RAVER2: variants seen among roughly 807,000 people sequenced by gnomAD.
RAVER2 encodes ribonucleoprotein PTB-binding 2.
A neutral mutation model predicts 78.1 loss-of-function variants in RAVER2; 46 were observed. That is an observed-to-expected ratio of 0.59 (90% confidence interval 0.46 to 0.75). RAVER2 has a LOEUF of 0.75. RAVER2 is among the 30% of genes least tolerant of loss of function. RAVER2 has a pLI of 0.00. For synonymous variants in RAVER2, 311 were observed against 313.3 expected (o/e 0.99, Z 0.08); for missense variants, 793 against 837.5 (o/e 0.95, Z 0.66).
intron 1 of RAVER2, among the ~76,000 whole-genome samples, chr1:64,748,282 A>T (rs1651597775): frequency 6.6e-6 from 1 of 152,182 alleles, no homozygotes; most frequent in Admixed American, 6.5e-5. Context: ...TCACAGCCTC[A>T]GCTCTGGTTC....
chr1:64,763,201 G>A (rs569934006), intron 1 of RAVER2, among the ~76,000 whole-genome samples: 1 of 152,216 alleles, frequency 6.6e-6, no homozygotes, highest in African/African-American at 2.4e-5. Context: ...GGAGGCTGAG[G>A]CAGGAGAATG....
chr1:64,767,999 A>G (rs1029318968), intron 1 of RAVER2, among the ~76,000 whole-genome samples: 7 of 152,050 alleles, frequency 4.6e-5, no homozygotes, highest in African/African-American at 1.7e-4. Flanking sequence ...CCAAGGGGAA[A>G]TAAATGGAAC....
chr1:64,748,455 A>C (rs1651603934), intron 1 of RAVER2, among the ~76,000 whole-genome samples: 1 of 152,232 alleles, frequency 6.6e-6, no homozygotes, highest in Non-Finnish European at 1.5e-5. Context: ...CTCATAAAAA[A>C]CCAGCCTTTG....
intron 5 of RAVER2, among the ~76,000 whole-genome samples, chr1:64,801,850 A>G (rs1339904206): frequency 6.6e-6 from 1 of 152,234 alleles, no homozygotes; most frequent in Non-Finnish European, 1.5e-5. Context: ...CCTGGGCAAT[A>G]GAGTGTGACT....
rs770009968 is a variant in RAVER2 at position 64,789,475 on chromosome 1, C to T, written c.1066C>T (p.Leu356Phe). 2.6e-5 allele frequency: 42 copies of T among 1,609,422 alleles called. 1 individual carries two copies. The South Asian group carries it at 3.9e-4, about 15-fold the overall frequency. ...AAACAACCCTGCCATGTTGCAAGTT[C>T]TTCTACAGCCCCAGTTATGTGGACG... The change falls in exon 5 of 12, where the codon CTT (leucine) becomes TTT (phenylalanine). Residue 356 changes from leucine to phenylalanine, a missense_variant. Transcript: ENST00000294428.
intron 8 of RAVER2, among the ~76,000 whole-genome samples, chr1:64,805,424 A>G (rs1653390373): frequency 6.6e-6 from 1 of 152,230 alleles, no homozygotes; most frequent in South Asian, 2.1e-4. Flanking sequence ...ATATGGATCC[A>G]TGTAATTATT....
intron 5 of RAVER2, among the ~76,000 whole-genome samples, chr1:64,794,703 C>T (rs1256677206): frequency 6.6e-6 from 1 of 151,984 alleles, no homozygotes; most frequent in Non-Finnish European, 1.5e-5. Context: ...AGTTGTTTGT[C>T]TTCTTATCAA....
chr1:64,778,139 A>C, intron 3 of RAVER2, 47 bp downstream of exon 3: 2 of 1,330,556 alleles, frequency 1.5e-6, no homozygotes, highest in Non-Finnish European at 2.1e-6. Context: ...ATATATACAT[A>C]TGTATCTAAT....
intron 5 of RAVER2, among the ~76,000 whole-genome samples, chr1:64,798,482 C>T (rs951765872): frequency 1.3e-5 from 2 of 151,288 alleles, no homozygotes; most frequent in Admixed American, 6.6e-5. Flanking sequence ...AGTTCTAGAT[C>T]CCTGAGGAAT....
intron 5 of RAVER2, among the ~76,000 whole-genome samples, chr1:64,795,506 C>T (rs1487344808): frequency 6.6e-6 from 1 of 151,996 alleles, no homozygotes; most frequent in East Asian, 1.9e-4. Flanking sequence ...TTTATTTTTT[C>T]AGATACAAAT....
In RAVER2 at chr1:64,778,758, C is replaced by A. The variant is rs144401625; in HGVS notation, c.786+666C>A. 6.5e-3 allele frequency among the ~76,000 whole-genome samples: 965 copies of A among 148,848 alleles called. 11 individuals carry two copies. The highest frequency in any genetic ancestry group is 0.023 in the African/African-American group (929 of 40,882). ...TTACAGAGTTTTGATAGCAACTGAT[C>A]AATTATTTCTCTCTTGTTTCTCTCC... On this transcript the variant is annotated intron_variant, in intron 3 of 11. Transcript: ENST00000294428.
chr1:64,763,933 C>CACAT (rs1652098777), intron 1 of RAVER2, among the ~76,000 whole-genome samples: 1 of 149,906 alleles, frequency 6.7e-6, no homozygotes. Flanking sequence ...CACACACACA[C>CACAT]ACACACACAC....
chr1:64,796,143 A>G (rs780652370), intron 5 of RAVER2, among the ~76,000 whole-genome samples: 8 of 151,592 alleles, frequency 5.3e-5, no homozygotes, highest in Non-Finnish European at 7.4e-5. Context: ...TCACTTAGTC[A>G]TGTTATATTA....
intron 9 of RAVER2, among the ~76,000 whole-genome samples, chr1:64,812,476 A>C (rs1240266660): frequency 3.3e-5 from 5 of 152,026 alleles, no homozygotes; most frequent in Admixed American, 6.6e-5. Context: ...TGTGAAGATG[A>C]ATTCTTTCCT....
chr1:64,792,456 G>C (rs12119466), intron 5 of RAVER2, among the ~76,000 whole-genome samples: 10,923 of 152,168 alleles, frequency 0.072, 522 homozygotes, highest in Non-Finnish European at 0.098. Flanking sequence ...AGTATCATCT[G>C]CCTCTTTGGA....
chr1:64,788,898 A>G (rs1652860569), intron 4 of RAVER2, among the ~76,000 whole-genome samples: 3 of 152,282 alleles, frequency 2.0e-5, no homozygotes, highest in Admixed American at 1.3e-4. Context: ...ATATAGAAAC[A>G]GGGTTTCAAT....
intron 5 of RAVER2, among the ~76,000 whole-genome samples, chr1:64,793,806 G>A (rs6686357): frequency 2.0e-4 from 30 of 152,130 alleles, no homozygotes; most frequent in Non-Finnish European, 3.5e-4. Context: ...AAGAGGAATC[G>A]CACAGTCTGT....
Position 64,762,858 on chromosome 1 carries a change from A to G in RAVER2, c.250-5798A>G, listed in dbSNP as rs200531295. ...AAAGAGGTCACAAAAGGCATTAACC[A>G]GAAAAGAAGATATTATATGATAGAT... On this transcript the variant is annotated intron_variant, in intron 1 of 11. Coordinates refer to ENST00000294428, the Ensembl canonical transcript of RAVER2. Among the ~76,000 whole-genome samples the G allele has an allele frequency of 3.5e-4, 54 of 152,342 alleles. No individual in the cohort carries two copies. The East Asian group carries it at 8.9e-3, about 25-fold the overall frequency.
intron 2 of RAVER2, among the ~76,000 whole-genome samples, chr1:64,771,213 ATAGATC>A (rs59491151): frequency 0.013 from 1,928 of 152,138 alleles, 43 homozygotes; most frequent in African/African-American, 0.044. Flanking sequence ...TAAGATGACC[ATAGATC>A]TTGGAAACAA....
Sources: allele counts gnomAD v4.1 joint callset (sites outside exome capture counted in the v4.1 genomes callset), GRCh38; gene constraint gnomAD v4.1.1; transcripts MANE v1.5; gene names NCBI Gene and HGNC (gene_info 2026-07-23, HGNC 2026-07-21).